RGL3: variants seen among roughly 807,000 people sequenced by gnomAD.
RGL3 encodes the protein ral guanine nucleotide dissociation stimulator like 3, also known as ral guanine nucleotide dissociation stimulator-like 3.
In RGL3, 85 loss-of-function variants were observed where a neutral mutation model predicts 90.6. The observed-to-expected ratio is 0.94, with a 90% CI of 0.79 to 1.12. The LOEUF (loss-of-function observed/expected upper bound fraction) is 1.12. Ranked by LOEUF, RGL3 falls within the 50% of genes most tolerant of loss-of-function variation. RGL3 has a pLI of 0.00. For synonymous variants in RGL3, 408 were observed against 385.5 expected, an observed-to-expected ratio of 1.06 and a Z score of -0.68; for missense variants, 1,034 against 939.2, an observed-to-expected ratio of 1.10 and a Z score of -1.32.
intron 5 of RGL3, among the ~76,000 whole-genome samples, chr19:11,409,520 CAAAAA>C (rs1968839626): frequency 6.6e-6 from 1 of 152,014 alleles, no homozygotes; most frequent in Non-Finnish European, 1.5e-5. Flanking sequence ...CAAACAAAAA[CAAAAA>C]GAAAAGAAAA....
rs753396711 is a variant in RGL3 at position 11,415,981 on chromosome 19, T to C, written c.593A>G (p.Glu198Gly). The change falls in exon 5 of 19, where the codon GAG (glutamate) becomes GGG (glycine). Residue 198 changes from glutamate to glycine, a missense_variant. Glu to Gly is a moderately conservative substitution (Grantham distance 98). Coordinates refer to ENST00000380456, the MANE Select transcript of RGL3 (RefSeq NM_001035223.4). ...CTCCTCTTCCTGCTCTCGCTCAGCC[T>C]CCTCCAAAAAATCTTCCAGAAGCTT... ...AEKLLEDFLE[E>G]AEREQEEEPP... The C allele has an allele frequency of 1.9e-6, 3 of 1,613,800 alleles. No homozygotes were observed. Among genetic ancestry groups the C allele is most frequent in the African/African-American group, 1.3e-5 (1 of 74,960 alleles).
chr19:11,416,901 G>C lies in RGL3; in HGVS notation c.306C>G (p.Thr102=). ...CCAGCAGGCAGGCAGTGGGTACAAA[G>C]GTCCGGTAGGTGGCCAGGAAGGCGG... The part of the protein sequence containing the change: ...FMPAFLATYR[T]FVPTACLLGF... Residue 102 remains threonine (T), a synonymous_variant, in exon 3 of 19, where the codon ACC becomes ACG. Coordinates refer to ENST00000380456, the MANE Select transcript of RGL3 (RefSeq NM_001035223.4). 1 of 1,614,122 alleles carries C rather than the reference G, an allele frequency of 6.2e-7. No homozygotes were observed. The highest frequency in any genetic ancestry group is 8.5e-7 in the Non-Finnish European group (1 of 1,180,022).
chr19:11,406,322 C>G (rs569004489), intron 7 of RGL3, 97 bp downstream of exon 7: 11 of 1,224,912 alleles, frequency 9.0e-6, no homozygotes, highest in Non-Finnish European at 1.2e-5. Flanking sequence ...CGTTCCCTCC[C>G]TCGCCTAGAC....
chr19:11,394,405 G>C lies in RGL3; in HGVS notation c.2130C>G (p.Ser710Arg). ...GTRNTLSVSP[S>R] is the part of the protein sequence containing the mutation. ...TTGTGGAGAGGACAGGGCTGCCTCA[G>C]CTTGGGGAGACAGACAGAGTGTTCC... is the stretch of plus-strand genomic sequence containing the variant. The change falls in exon 19 of 19, where the codon AGC (serine) becomes AGG (arginine). Residue 710 changes from serine (S) to arginine (R), a missense_variant. By Grantham distance (110) the Ser-to-Arg change is moderately radical. Coordinates refer to ENST00000380456, the MANE Select transcript of RGL3 (RefSeq NM_001035223.4). 1 of 1,612,098 alleles carries C rather than the reference G, an allele frequency of 6.2e-7. No individual in the cohort carries two copies. Among genetic ancestry groups the C allele is most frequent in the Non-Finnish European group, 8.5e-7 (1 of 1,178,244 alleles).
chr19:11,397,312 T>G lies in RGL3; in HGVS notation c.1946A>C (p.Gln649Pro). The G allele has an allele frequency of 6.2e-7, 1 of 1,611,792 alleles. No homozygotes were observed. Among genetic ancestry groups the G allele is most frequent in the Non-Finnish European group, 8.5e-7 (1 of 1,179,030 alleles). ...CCAGGGCTGGGGCACATTGTGCTTC[T>G]GCAAGGCTCGCCGGACCACGCTGGG... Reference protein sequence around the residue: ...KAPSVVRRALQKHNVPQPWAC... With the variant: ...KAPSVVRRALPKHNVPQPWAC... Residue 649 changes from glutamine (Q) to proline (P), a missense_variant, in exon 18 of 19, where the codon CAG becomes CCG. Physicochemically the swap from Gln to Pro is moderately conservative, Grantham distance 76. Coordinates refer to ENST00000380456, the MANE Select transcript of RGL3 (RefSeq NM_001035223.4).
rs160523 is a variant in RGL3, at chr19:11,417,158, G to T, written c.148-99C>A. ...CACTAGCACCACTCTTTTTTTTTTT[G>T]TTTTTTTTTTTGAGACAGAGTCTCA... On this transcript the variant is annotated intron_variant, in intron 2 of 18. Transcript: ENST00000380456. 3.3e-3 allele frequency: 2,019 copies of T among 611,260 alleles called. 1 individual carries two copies. The highest frequency in any genetic ancestry group is 6.8e-3 in the African/African-American group (329 of 48,634). The allele number at this position is 611,260 out of a possible 1,614,324, so 37.9% of individuals were successfully genotyped here.
intron 5 of RGL3, among the ~76,000 whole-genome samples, chr19:11,409,944 A>T (rs2144732312): frequency 6.6e-6 from 1 of 151,238 alleles, no homozygotes; most frequent in South Asian, 2.1e-4. Flanking sequence ...ATTTTATTTT[A>T]TTTTTTTATT....
At chr19:11,418,617 C>G in intron 2 of RGL3, 54 bp downstream of exon 2, 1 of 1,392,494 alleles carries the variant, frequency 7.2e-7, no homozygotes. Flanking sequence ...TCTCCAGCTC[C>G]GCCCTCAACT....
chr19:11,401,896 C>G (rs1968681680), intron 13 of RGL3, 115 bp downstream of exon 13: 1 of 1,341,062 alleles, frequency 7.5e-7, no homozygotes, highest in Non-Finnish European at 1.0e-6. Context: ...AGTGGGGGAT[C>G]AGGGCTCAAG....
At chr19:11,397,209 C>T in intron 18 of RGL3, 35 bp downstream of exon 18, 1 of 1,580,900 alleles carries the variant, frequency 6.3e-7, no homozygotes, top group Non-Finnish European at 8.7e-7. Flanking sequence ...CTCCCCGCTG[C>T]CCCCTATCCT....
rs1165488813 is a variant in RGL3, at chr19:11,413,911, TA to T, written c.637+2025del. On this transcript the variant is annotated intron_variant, in intron 5 of 18. Coordinates refer to ENST00000380456, the MANE Select transcript of RGL3 (RefSeq NM_001035223.4). The stretch of plus-strand genomic sequence containing the variant: ...GGCGCTCGCCACCACGCCCGGCTAA[TA>T]TTTTTTTGTATTTTTAGTAGAGACG... 6.1e-5 allele frequency among the ~76,000 whole-genome samples: 9 copies of T among 147,958 alleles called. No homozygotes were observed. The South Asian group carries it at 8.5e-4, about 14-fold the overall frequency.
rs367981353 is a variant in RGL3, at chr19:11,400,193, G to A, written c.1580+9C>T. ...ACATCACCGCCCCTACACACACCCC[G>A]AGACTCACGCACTGAGACGCTTGGT... On this transcript the variant is annotated intron_variant, in intron 14 of 18. Coordinates refer to ENST00000380456, the MANE Select transcript of RGL3 (RefSeq NM_001035223.4). 2.7e-5 allele frequency: 42 copies of A among 1,577,900 alleles called. No homozygotes were observed. Among genetic ancestry groups the A allele is most frequent in the South Asian group, 6.9e-5 (6 of 86,352 alleles).
intron 5 of RGL3, among the ~76,000 whole-genome samples, chr19:11,415,128 T>TA (rs544218697): frequency 0.032 from 4,528 of 143,114 alleles, 100 homozygotes; most frequent in Non-Finnish European, 0.044. Context: ...AGACTCTGTC[T>TA]AAAAAAAAAA....
intron 11 of RGL3, 92 bp from the exon 12 acceptor site, chr19:11,402,339 A>G (rs1361009579): frequency 1.2e-5 from 19 of 1,583,980 alleles, no homozygotes; most frequent in Non-Finnish European, 1.7e-6. Flanking sequence ...CCACTGTAGT[A>G]AGGGAGTGTG....
intron 18 of RGL3, among the ~76,000 whole-genome samples, chr19:11,395,022 G>A (rs1968540055): frequency 6.6e-6 from 1 of 151,704 alleles, no homozygotes; most frequent in African/African-American, 2.4e-5. Context: ...GAACCCAGGA[G>A]GTGGATGTTG....
Position 11,416,980 on chromosome 19 carries a change from C to T in RGL3, c.227G>A (p.Arg76Gln), listed in dbSNP as rs762831146. 2.9e-5 allele frequency: 47 copies of T among 1,613,866 alleles called. No individual in the cohort carries two copies. Among genetic ancestry groups the T allele is most frequent in the South Asian group, 4.4e-5 (4 of 91,076 alleles). Residue 76 changes from arginine to glutamine, a missense_variant, in exon 3 of 19, where the codon CGG becomes CAG. Arg to Gln is a conservative substitution (Grantham distance 43, BLOSUM62 1). Transcript: ENST00000380456. The stretch of plus-strand genomic sequence containing the variant: ...TCCAAACACCAACTCTCCCACCAGC[C>T]GCTCCAGGCGCGCTGCCCTCAGCAC... ...VRVLRAARLE[R>Q]LVGELVFGDR...
rs1157317514 is a variant in RGL3 at position 11,416,087 on chromosome 19, G to C, written c.487C>G (p.Pro163Ala). The change falls in exon 5 of 19, where the codon CCT becomes GCT. Residue 163 changes from proline (P) to alanine (A), a missense_variant. Physicochemically the swap from Pro to Ala is conservative, Grantham distance 27 (BLOSUM62 -1). Transcript: ENST00000380456. ...QDHPQDFRDH[P>A]AHSDLGSVRT... ...ACACTGCCCAGGTCCGAATGGGCAG[G>C]GTGGTCTCGGAAATCCTGAGGGTGG... 2 of 1,609,140 alleles carry C rather than the reference G, an allele frequency of 1.2e-6. No individual in the cohort carries two copies. Among genetic ancestry groups the C allele is most frequent in the African/African-American group, 1.3e-5 (1 of 74,594 alleles).
Position 11,405,196 on chromosome 19 carries a change from A to G in RGL3, c.1136T>C (p.Ile379Thr). 1.2e-6 allele frequency: 2 copies of G among 1,614,112 alleles called. No homozygotes were observed. The highest frequency in any genetic ancestry group is 1.7e-6 in the Non-Finnish European group (2 of 1,180,010). Residue 379 changes from isoleucine (I) to threonine (T), a missense_variant, in exon 9 of 19, where the codon ATT (isoleucine) becomes ACT (threonine). Transcript: ENST00000380456. ...GAGGTGGTTGTTCTCATCGGAGAAA[A>G]TCTGCGAAAGTTTCCTGAAAGTAGA... ...PLSTFRKLSQ[I>T]FSDENNHLSS...
At chr19:11,394,729 C>G in intron 18 of RGL3, 2 of 527,426 alleles carry the variant, frequency 3.8e-6, no homozygotes, top group South Asian at 4.1e-5. Context: ...CTTCCCTTAT[C>G]ATAAGCCTGG....
Sources: allele counts gnomAD v4.1 joint callset (sites outside exome capture counted in the v4.1 genomes callset), GRCh38; gene constraint gnomAD v4.1.1; transcripts MANE v1.5; gene names NCBI Gene and HGNC (gene_info 2026-07-23, HGNC 2026-07-21).